MACF1: variants seen among roughly 807,000 people sequenced by gnomAD.
MACF1 encodes microtubule actin crosslinking factor 1.
A neutral mutation model predicts 854.8 loss-of-function variants in MACF1; 193 were observed. The observed-to-expected ratio is 0.23, with a 90% CI of 0.20 to 0.25. The LOEUF (loss-of-function observed/expected upper bound fraction) is 0.25, where lower values mean the gene tolerates loss of function less well. MACF1 is among the 10% of genes least tolerant of loss of function. MACF1 has a pLI of 1.00. For missense variants in MACF1, 7,722 were observed against 8,929.1 expected, an observed-to-expected ratio of 0.86 and a Z score of 5.45; for synonymous variants, 3,185 against 3,226.7, an observed-to-expected ratio of 0.99 and a Z score of 0.44.
chr1:39,341,976 T>TA, intron 40 of MACF1, among the ~76,000 whole-genome samples: 1 of 152,166 alleles, frequency 6.6e-6, no homozygotes, highest in Non-Finnish European at 1.5e-5. Context: ...GAGGGTTTGA[T>TA]ATACAGATAA....
intron 1 of MACF1, among the ~76,000 whole-genome samples, chr1:39,212,103 T>A (rs1174574901): frequency 6.6e-6 from 1 of 151,916 alleles, no homozygotes; most frequent in Non-Finnish European, 1.5e-5. Context: ...TCTGACCACA[T>A]GTGGAAATAC....
At chr1:39,449,723 G>T (rs1644299471) in intron 84 of MACF1, among the ~76,000 whole-genome samples, 1 of 136,638 alleles carries the variant, frequency 7.3e-6, no homozygotes, top group Non-Finnish European at 1.6e-5. Flanking sequence ...GTCATGTTGA[G>T]ACAGGGTCTA....
intron 2 of MACF1, among the ~76,000 whole-genome samples, chr1:39,116,316 T>A (rs922136369): frequency 3.3e-5 from 5 of 152,074 alleles, no homozygotes; most frequent in African/African-American, 1.2e-4. Context: ...ATGCTCATAC[T>A]CTCTCTATGA....
intron 89 of MACF1, 124 bp from the exon 90 acceptor site, chr1:39,458,246 C>A: frequency 1.2e-6 from 1 of 837,908 alleles, no homozygotes; most frequent in South Asian, 1.9e-5. Flanking sequence ...AACTCAGGCA[C>A]CAGCCTCCAC....
Position 39,181,200 on chromosome 1 carries a change from G to A in MACF1, c.221-49982G>A, listed in dbSNP as rs561965200. Among the ~76,000 whole-genome samples, 17 of 152,348 alleles carry A rather than the reference G, an allele frequency of 1.1e-4. No homozygotes were observed. The South Asian group carries it at 3.5e-3, about 32-fold the overall frequency. On this transcript the variant is annotated intron_variant, in intron 2 of 93. Coordinates refer to the MACF1 transcript ENST00000361689. Reference sequence around the variant, plus strand: ...TGGGATTATAGGCGTGAGCCACTGCGCTGGGCCAGTAATCAGTATCTTTTT... The same window carrying A: ...TGGGATTATAGGCGTGAGCCACTGCACTGGGCCAGTAATCAGTATCTTTTT...
chr1:39,347,333 A>G (rs1411456787), intron 41 of MACF1, 123 bp downstream of exon 41: 8 of 738,482 alleles, frequency 1.1e-5, no homozygotes, highest in Admixed American at 5.0e-5. Flanking sequence ...TTGAAATTTC[A>G]TGTCATGCAG....
Position 39,105,621 on chromosome 1 carries a change from GC to G in MACF1, c.220+21185del. On this transcript the variant is annotated intron_variant, in intron 2 of 93. Coordinates refer to the MACF1 transcript ENST00000361689. This position sits in a 1 kb window ranked among gnomAD's most constrained non-coding sequence, Gnocchi z 5.9. ...GCTCGGCGAGAAGGCGGTGCGGGCG[GC>G]CATGGCCGGCTACGTGCCGGGTCAG... is the stretch of plus-strand genomic sequence containing the variant. 1 of 1,227,512 alleles carries G rather than the reference GC, an allele frequency of 8.1e-7. No homozygotes were observed. The highest frequency in any genetic ancestry group is 1.0e-6 in the Non-Finnish European group (1 of 958,074). The allele number at this position is 1,227,512 out of a possible 1,614,324, so 76.0% of individuals were successfully genotyped here. A position where few individuals can be genotyped will look rare whatever the true frequency, so the allele number is the denominator to read the frequency against.
chr1:39,432,797 A>T, intron 67 of MACF1, 143 bp downstream of exon 67: 6 of 1,013,026 alleles, frequency 5.9e-6, no homozygotes, highest in African/African-American at 1.7e-5. Flanking sequence ...TTTGGTTGAG[A>T]TGAGGAAGAA....
chr1:39,287,179 C>A, intron 14 of MACF1, 107 bp from the exon 15 acceptor site: 1 of 1,242,080 alleles, frequency 8.1e-7, no homozygotes, highest in African/African-American at 1.5e-5. Context: ...TAGGCTGGCT[C>A]ATTTTTATTT....
intron 2 of MACF1, among the ~76,000 whole-genome samples, chr1:39,177,791 C>G (rs567513941): frequency 6.6e-6 from 1 of 152,228 alleles, no homozygotes; most frequent in East Asian, 1.9e-4. Context: ...AATGGGAAAG[C>G]CATTGCTTTC....
At chr1:39,233,808 T>TTTTTTTTTTTTTTTTTTTTTTA (rs755591226) in intron 2 of MACF1, among the ~76,000 whole-genome samples, 1 of 65,772 alleles carries the variant, frequency 1.5e-5, no homozygotes, top group Non-Finnish European at 3.3e-5. Flanking sequence ...ATTTATTTTT[T>TTTTTTTTTTTTTTTTTTTTTTA]ATTGATAATT....
At chr1:39,394,587 C>T (rs141068764) in intron 58 of MACF1, among the ~76,000 whole-genome samples, 71 of 152,172 alleles carry the variant, frequency 4.7e-4, no homozygotes, top group Non-Finnish European at 9.1e-4. Context: ...CGCACCACTG[C>T]ACTCCAGCCT....
intron 2 of MACF1, among the ~76,000 whole-genome samples, chr1:39,175,877 C>G (rs1187864295): frequency 2.8e-5 from 4 of 145,250 alleles, no homozygotes; most frequent in Non-Finnish European, 4.5e-5. Flanking sequence ...GAGGGTGGAT[C>G]ACAAGGTCAG....
At chr1:39,107,515 G>T (rs1642276524) in intron 2 of MACF1, among the ~76,000 whole-genome samples, 1 of 152,102 alleles carries the variant, frequency 6.6e-6, no homozygotes, top group African/African-American at 2.4e-5. Context: ...CTTCTGATCG[G>T]TGCAGAACAA....
Position 39,444,765 on chromosome 1 carries a change from A to G in MACF1, c.19535A>G (p.Lys6512Arg), listed in dbSNP as rs1234798084. The G allele has an allele frequency of 1.2e-6, 2 of 1,614,024 alleles. No homozygotes were observed. Among genetic ancestry groups the G allele is most frequent in the African/African-American group, 1.3e-5 (1 of 74,940 alleles). ...LSRDDSGSGS[K>R]TEQSVALLEQ... is the part of the protein sequence containing the mutation. ...CGTGACGACTCTGGGTCTGGCTCCA[A>G]GACAGAACAGAGTGTAGCACTTTTG... Residue 6512 changes from lysine (K) to arginine (R), a missense_variant, in exon 80 of 101, where the codon AAG (lysine) becomes AGG (arginine). Coordinates refer to ENST00000564288, the MANE Select transcript of MACF1 (RefSeq NM_001394062.1).
intron 14 of MACF1, among the ~76,000 whole-genome samples, 185 bp from the exon 15 acceptor site, chr1:39,287,101 C>T (rs1336245856): frequency 1.3e-5 from 2 of 152,012 alleles, no homozygotes; most frequent in Non-Finnish European, 2.9e-5. Flanking sequence ...GCTGGGACTA[C>T]AGGCATGTGC....
intron 47 of MACF1, among the ~76,000 whole-genome samples, chr1:39,360,020 T>A (rs1252835155): frequency 4.2e-3 from 142 of 34,144 alleles, no homozygotes; most frequent in African/African-American, 8.8e-3. Context: ...AAAATATATA[T>A]ATATATATAT....
At position 39,084,489 on chromosome 1, in the gene MACF1, G is replaced by A; in HGVS notation, c.220+51G>A. ...GACGCTGTGGGTGTGAGGGAGGAAT[G>A]GGCCAGGGCACAGCAGCTGTGTGGG... On this transcript the variant is annotated intron_variant, in intron 2 of 93. Coordinates refer to the MACF1 transcript ENST00000361689. This position sits in a 1 kb window ranked among gnomAD's most constrained non-coding sequence, Gnocchi z 5.2. 1 of 1,517,958 alleles carries A rather than the reference G, an allele frequency of 6.6e-7. No homozygotes were observed. The highest frequency in any genetic ancestry group is 8.9e-7 in the Non-Finnish European group (1 of 1,118,846). 94.0% of individuals were successfully genotyped at this position (1,517,958 alleles called of 1,614,324 possible). A position where few individuals can be genotyped will look rare whatever the true frequency, so the allele number is the denominator to read the frequency against.
intron 58 of MACF1, among the ~76,000 whole-genome samples, chr1:39,399,310 C>G (rs1190667978): frequency 1.3e-5 from 2 of 151,106 alleles, no homozygotes; most frequent in Admixed American, 1.3e-4. Context: ...CCCAGACACT[C>G]CTTATACATT....
Sources: allele counts gnomAD v4.1 joint callset (sites outside exome capture counted in the v4.1 genomes callset), GRCh38; gene constraint gnomAD v4.1.1; non-coding constraint Gnocchi (gnomAD v3.1); transcripts MANE v1.5; gene names NCBI Gene and HGNC (gene_info 2026-07-23, HGNC 2026-07-21).